Variants in ADPRHL1 observed in about 807,000 individuals in gnomAD.
The protein encoded by ADPRHL1 is ADP-ribosylhydrolase like 1, also known as inactive ADP-ribosyltransferase ARH2.
A neutral mutation model predicts 44.1 loss-of-function variants in ADPRHL1; 43 were observed. The observed-to-expected ratio is 0.98, with a 90% CI of 0.76 to 1.26. The LOEUF (loss-of-function observed/expected upper bound fraction) is 1.26. ADPRHL1 is among the 50% of genes most tolerant of loss of function. The pLI is 0.00. For missense variants in ADPRHL1, 2,022 were observed against 2,496.9 expected, an observed-to-expected ratio of 0.81 and a Z score of 4.05; for synonymous variants, 878 against 1,017.4, an observed-to-expected ratio of 0.86 and a Z score of 2.61.
At chr13:113,447,746 G>A (rs2044152729) in intron 1 of ADPRHL1, among the ~76,000 whole-genome samples, 1 of 152,212 alleles carries the variant, frequency 6.6e-6, no homozygotes. Context: ...GGAGAGGTGT[G>A]AGGGCTGCAT....
chr13:113,420,889 ACCCGCT>A, intron 7 of ADPRHL1, among the ~76,000 whole-genome samples: 1 of 92,820 alleles, frequency 1.1e-5, no homozygotes, highest in African/African-American at 4.0e-5. Flanking sequence ...CACCCCCGGG[ACCCGCT>A]CACCCCGGGA....
At chr13:113,444,692 C>T in intron 1 of ADPRHL1, 103 bp from the exon 2 acceptor site, 1 of 1,387,052 alleles carries the variant, frequency 7.2e-7, no homozygotes, top group Non-Finnish European at 9.9e-7. Context: ...AAAGGGAGGG[C>T]AGACACTGCA....
Position 113,407,611 on chromosome 13 carries a change from C to G in ADPRHL1, c.1671G>C (p.Gln557His). ...TGGCCTCGGAGCACAGGCAGCTGTT[C>G]TGCTCGAACTTCTCCCGCAGCTTGG... ...VLSKLREKFE[Q>H]NSCLCSEASA... The change falls in exon 8 of 8, where the codon CAG becomes CAC. Residue 557 changes from glutamine to histidine, a missense_variant. Coordinates refer to ENST00000612156, the MANE Select transcript of ADPRHL1 (RefSeq NM_001394807.1). 8.1e-7 allele frequency: 1 copy of G among 1,232,172 alleles called. No homozygotes were observed. The highest frequency in any genetic ancestry group is 1.0e-6 in the Non-Finnish European group (1 of 988,048). 76.3% of individuals were successfully genotyped at this position (1,232,172 alleles called of 1,614,324 possible). A position where few individuals can be genotyped will look rare whatever the true frequency, so the allele number is the denominator to read the frequency against.
Position 113,409,291 on chromosome 13 carries a change from G to A in ADPRHL1, c.1062-1071C>T, listed in dbSNP as rs968996478. 1.0e-6 allele frequency: 1 copy of A among 985,266 alleles called. No homozygotes were observed. The highest frequency in any genetic ancestry group is 1.7e-5 in the African/African-American group (1 of 57,222). 61.0% of individuals were successfully genotyped at this position (985,266 alleles called of 1,614,324 possible). A position where few individuals can be genotyped will look rare whatever the true frequency, so the allele number is the denominator to read the frequency against. On this transcript the variant is annotated intron_variant, in intron 7 of 7. Coordinates refer to ENST00000612156, the MANE Select transcript of ADPRHL1 (RefSeq NM_001394807.1). This position sits in a 1 kb window ranked among gnomAD's most constrained non-coding sequence, Gnocchi z 4.2. ...CTCCCCATCTGTGGCAGGGGGTGGA[G>A]CCGTCTCTGACCTCCCCAGATGATA...
rs2043793845 is a variant in ADPRHL1, at chr13:113,404,716, T to C, written c.4566A>G (p.Glu1522=). 1.6e-6 allele frequency: 2 copies of C among 1,277,670 alleles called. No individual in the cohort carries two copies. The highest frequency in any genetic ancestry group is 4.1e-5 in the Admixed American group (1 of 24,232). The allele number at this position is 1,277,670 out of a possible 1,614,324, so 79.1% of individuals were successfully genotyped here. ...GTCCCTGGGTCCCACCCTGAGCCTG[T>C]TCCTGTGCCTGCCCCTGGGCCTCTA... ...TQIEAQGQAQ[E]QAQGGTQGHS... Residue 1522 remains glutamate (E), a synonymous_variant, in exon 8 of 8, where the codon GAA becomes GAG. Transcript: ENST00000612156.
chr13:113,443,054 C>T (rs1009205262), intron 2 of ADPRHL1, among the ~76,000 whole-genome samples: 2 of 152,164 alleles, frequency 1.3e-5, no homozygotes, highest in South Asian at 2.1e-4. Context: ...ATGCCTTTCA[C>T]GTCTCTACTT....
In ADPRHL1 at chr13:113,430,538, C is replaced by T. The variant is rs559882582; in HGVS notation, c.506-1446G>A. 3.5e-4 allele frequency among the ~76,000 whole-genome samples: 53 copies of T among 152,158 alleles called. 2 individuals are homozygous for T. The highest frequency in any genetic ancestry group is 1.9e-3 in the Admixed American group (29 of 15,282). On this transcript the variant is annotated intron_variant, in intron 3 of 7. Transcript: ENST00000612156. ...GCAACAATGGTGGTGGTACTCGTGA[C>T]GGTCAGGGTGGGAACAGTGTGGTGC...
intron 3 of ADPRHL1, among the ~76,000 whole-genome samples, chr13:113,431,362 C>G (rs2044005948): frequency 6.6e-6 from 1 of 152,252 alleles, no homozygotes; most frequent in South Asian, 2.1e-4. Flanking sequence ...GAGACGCTTT[C>G]CAGCGGCTGT....
chr13:113,452,961 G>C (rs2044187645), intron 1 of ADPRHL1, among the ~76,000 whole-genome samples: 1 of 152,178 alleles, frequency 6.6e-6, no homozygotes, highest in Non-Finnish European at 1.5e-5. Flanking sequence ...CAAGTGAAAA[G>C]TCACGTTTAA....
chr13:113,420,418 C>T (rs193061534), intron 7 of ADPRHL1, among the ~76,000 whole-genome samples: 3 of 152,048 alleles, frequency 2.0e-5, no homozygotes, highest in Non-Finnish European at 4.4e-5. Flanking sequence ...CCTGCTCATG[C>T]GAGCTGGCCT....
At chr13:113,424,883 C>T in intron 5 of ADPRHL1, among the ~76,000 whole-genome samples, 169 bp downstream of exon 5, 2 of 32,396 alleles carry the variant, frequency 6.2e-5, no homozygotes, top group Admixed American at 3.5e-4. Context: ...CATTTACTTA[C>T]CCATCCATTC....
Position 113,422,938 on chromosome 13 carries a change from C to G in ADPRHL1, c.949G>C (p.Gly317Arg), listed in dbSNP as rs529381572. 1.2e-6 allele frequency: 2 copies of G among 1,612,792 alleles called. No homozygotes were observed. Among genetic ancestry groups the G allele is most frequent in the African/African-American group, 1.3e-5 (1 of 74,930 alleles). Residue 317 changes from glycine to arginine, a missense_variant, in exon 7 of 8, where the codon GGG (glycine) becomes CGG (arginine). By Grantham distance (125) the Gly-to-Arg change is moderately radical. Around this residue, in one of 8 missense-constraint regions of ADPRHL1, gnomAD observed 437 missense variants for 430.7 expected, o/e 1.01. Transcript: ENST00000612156. ...ATGTIAGCLF[G>R]LLYGLDLVPK... ...ACGAGGTCCAGGCCGTACAGCAACC[C>G]GAACAGGCAGCCTGCAATGGTGCCC...
At chr13:113,412,799 C>T (rs1320550808) in intron 7 of ADPRHL1, among the ~76,000 whole-genome samples, 2 of 97,078 alleles carry the variant, frequency 2.1e-5, no homozygotes, top group East Asian at 2.5e-4. Context: ...GTTCACCCAC[C>T]GCCAACAGCA....
chr13:113,410,443 G>A (rs993022822), intron 7 of ADPRHL1, among the ~76,000 whole-genome samples: 5 of 152,174 alleles, frequency 3.3e-5, no homozygotes, highest in South Asian at 4.1e-4. Context: ...TGAGGCAGAC[G>A]GCGCTCCTTC....
chr13:113,450,364 G>A (rs1386338194), intron 1 of ADPRHL1, among the ~76,000 whole-genome samples: 2 of 152,228 alleles, frequency 1.3e-5, no homozygotes, highest in Non-Finnish European at 2.9e-5. Context: ...AGAGGGGTAA[G>A]CTGTAGGGAC....
chr13:113,453,349 C>A lies in ADPRHL1; in HGVS notation c.89G>T (p.Gly30Val). 6.2e-7 allele frequency: 1 copy of A among 1,614,188 alleles called. No homozygotes were observed. Among genetic ancestry groups the A allele is most frequent in the Non-Finnish European group, 8.5e-7 (1 of 1,180,034 alleles). ...RNVCKENSTV[G>V]MKIQEELQRS... ...TTGCAGCTCCTCCTGGATCTTCATG[C>A]CTACAGTGCTGTTCTCCTTGCAGAC... Residue 30 changes from glycine to valine, a missense_variant, in exon 1 of 8, where the codon GGC (glycine) becomes GTC (valine). Transcript: ENST00000612156. This position sits in a 1 kb window ranked among gnomAD's most constrained non-coding sequence, Gnocchi z 5.4.
chr13:113,446,719 A>G (rs2044141184), intron 1 of ADPRHL1, among the ~76,000 whole-genome samples: 1 of 151,782 alleles, frequency 6.6e-6, no homozygotes, highest in African/African-American at 2.4e-5. Context: ...ATTGTCATAA[A>G]TGCATAGCAT....
chr13:113,428,163 G>C (rs1268468711), intron 4 of ADPRHL1, among the ~76,000 whole-genome samples: 1 of 148,812 alleles, frequency 6.7e-6, no homozygotes, highest in Non-Finnish European at 1.5e-5. Context: ...AGAATTGCTT[G>C]AACCTGGGAG....
chr13:113,444,652 C>T (rs559775826), intron 1 of ADPRHL1, 63 bp from the exon 2 acceptor site: 320 of 1,561,530 alleles, frequency 2.0e-4, no homozygotes, highest in African/African-American at 1.9e-3. Flanking sequence ...GCCTCCCTCC[C>T]GCGGGGTCAG....
Sources: allele counts gnomAD v4.1 joint callset (sites outside exome capture counted in the v4.1 genomes callset), GRCh38; gene constraint gnomAD v4.1.1; regional missense constraint gnomAD v4.1.1; non-coding constraint Gnocchi (gnomAD v3.1); transcripts MANE v1.5; gene names NCBI Gene and HGNC (gene_info 2026-07-23, HGNC 2026-07-21).